Variants in SMYD3 observed in about 807,000 individuals in gnomAD.
SMYD3 encodes histone-lysine N-methyltransferase SMYD3.
In SMYD3, 36 loss-of-function variants were observed where a neutral mutation model predicts 57.7. The observed-to-expected ratio is 0.62, with a 90% CI of 0.48 to 0.82. The LOEUF is 0.82. Among genes scored for constraint, SMYD3 ranks in the 40% least tolerant of loss-of-function variants. SMYD3 has a pLI of 0.00. For synonymous variants in SMYD3, 211 were observed against 195.0 expected, an observed-to-expected ratio of 1.08 and a Z score of -0.68; for missense variants, 515 against 538.8, an observed-to-expected ratio of 0.96 and a Z score of 0.44.
rs565488397 is a variant in SMYD3, at chr1:246,143,775, C to T, written c.531+183426G>A. Reference sequence around the variant, plus strand: ...GCTTATTCATGCTTTGGGATCCCAGCCTCTATGCTTCTGGATCCTCCCATC... The same window carrying T: ...GCTTATTCATGCTTTGGGATCCCAGTCTCTATGCTTCTGGATCCTCCCATC... On this transcript the variant is annotated intron_variant, in intron 5 of 11. Coordinates refer to ENST00000490107, the MANE Select transcript of SMYD3 (RefSeq NM_001167740.2). 6.0e-3 allele frequency among the ~76,000 whole-genome samples: 914 copies of T among 152,304 alleles called. 7 individuals are homozygous for T. The highest frequency in any genetic ancestry group is 8.2e-3 in the Non-Finnish European group (559 of 68,026).
chr1:245,866,223 G>A (rs1036038395), intron 8 of SMYD3, among the ~76,000 whole-genome samples: 1 of 152,202 alleles, frequency 6.6e-6, no homozygotes, highest in African/African-American at 2.4e-5. Context: ...CTCTCCTTCT[G>A]AGGCTGGGGC....
At chr1:245,852,575 T>TA (rs1436066979) in intron 10 of SMYD3, among the ~76,000 whole-genome samples, 1 of 152,150 alleles carries the variant, frequency 6.6e-6, no homozygotes, top group Non-Finnish European at 1.5e-5. Flanking sequence ...TCCATAAAAG[T>TA]AAAACATAAG....
intron 1 of SMYD3, among the ~76,000 whole-genome samples, chr1:246,501,600 G>C (rs937792944): frequency 6.6e-6 from 1 of 151,944 alleles, no homozygotes; most frequent in African/African-American, 2.4e-5. Context: ...CCTTCCTTAC[G>C]ACCTCATTCC....
chr1:246,427,393 G>C (rs1336218387), intron 1 of SMYD3, among the ~76,000 whole-genome samples: 1 of 150,820 alleles, frequency 6.6e-6, no homozygotes, highest in East Asian at 1.9e-4. Context: ...AGTGGCGGGC[G>C]CCTGTAGTCC....
rs534933281 is a variant in SMYD3, at chr1:246,404,095, T to C, written c.165-49001A>G. On this transcript the variant is annotated intron_variant, in intron 1 of 11. Transcript: ENST00000490107. The stretch of plus-strand genomic sequence containing the variant: ...AAGCCAGCCAGCATATCACCCTTCA[T>C]TGACCTATCTTAAATTCGAATCACA... Among the ~76,000 whole-genome samples the C allele has an allele frequency of 5.3e-5, 8 of 152,344 alleles. No individual in the cohort carries two copies. The East Asian group carries it at 9.6e-4, about 18-fold the overall frequency.
At chr1:246,132,540 G>C (rs2061603826) in intron 5 of SMYD3, among the ~76,000 whole-genome samples, 1 of 152,016 alleles carries the variant, frequency 6.6e-6, no homozygotes. Context: ...ACTCTCAGGA[G>C]AAACATAAAG....
chr1:245,997,870 C>T (rs2148136974), intron 5 of SMYD3, among the ~76,000 whole-genome samples: 1 of 152,256 alleles, frequency 6.6e-6, no homozygotes, highest in Admixed American at 6.5e-5. Context: ...GTCTTCAAGC[C>T]CTACACTTCC....
chr1:246,043,129 C>T (rs1558177135), intron 5 of SMYD3, among the ~76,000 whole-genome samples: 1 of 152,204 alleles, frequency 6.6e-6, no homozygotes, highest in African/African-American at 2.4e-5. Flanking sequence ...CACATGTACA[C>T]ATATACACAG....
chr1:245,812,896 T>G (rs2048559159), intron 10 of SMYD3, among the ~76,000 whole-genome samples: 1 of 150,168 alleles, frequency 6.7e-6, no homozygotes, highest in Admixed American at 6.7e-5. Flanking sequence ...TGAGTAAATC[T>G]CATCTAGTGG....
At chr1:245,791,967 T>TGTGTGG (rs1009025085) in intron 10 of SMYD3, among the ~76,000 whole-genome samples, 2 of 151,806 alleles carry the variant, frequency 1.3e-5, no homozygotes, top group African/African-American at 4.8e-5. Flanking sequence ...TGTGTGTGTG[T>TGTGTGG]GTGTGTGTGT....
intron 5 of SMYD3, chr1:246,035,603 T>C (rs1273094090): frequency 1.3e-5 from 2 of 152,252 alleles, no homozygotes; most frequent in Admixed American, 6.5e-5. Context: ...CGGATGCCTG[T>C]ATGCTACACA....
chr1:246,471,723 C>T (rs1428603339), intron 1 of SMYD3, among the ~76,000 whole-genome samples: 1 of 152,198 alleles, frequency 6.6e-6, no homozygotes, highest in Non-Finnish European at 1.5e-5. Context: ...CAGGGATCCC[C>T]TGAGTAAGAT....
At chr1:246,118,812 CTTT>C (rs10623626) in intron 5 of SMYD3, among the ~76,000 whole-genome samples, 17,893 of 139,500 alleles carry the variant, frequency 0.13, 1,626 homozygotes, top group African/African-American at 0.26. Flanking sequence ...GAGGCACGTG[CTTT>C]TTTTTTTTTT....
intron 5 of SMYD3, among the ~76,000 whole-genome samples, chr1:246,157,238 G>A (rs898708341): frequency 6.6e-6 from 1 of 152,128 alleles, no homozygotes; most frequent in Non-Finnish European, 1.5e-5. Flanking sequence ...TTGCCAGCAA[G>A]TGTCCTTCAG....
chr1:246,366,488 A>T (rs1184749342), intron 1 of SMYD3, among the ~76,000 whole-genome samples: 1 of 152,088 alleles, frequency 6.6e-6, no homozygotes, highest in Non-Finnish European at 1.5e-5. Context: ...CCTGCAGAGA[A>T]AATACTTGGG....
At chr1:246,286,351 C>G (rs1016886970) in intron 5 of SMYD3, among the ~76,000 whole-genome samples, 1 of 151,594 alleles carries the variant, frequency 6.6e-6, no homozygotes, top group Non-Finnish European at 1.5e-5. Flanking sequence ...TTTTTTTAAT[C>G]TGACAAATCA....
intron 5 of SMYD3, among the ~76,000 whole-genome samples, chr1:245,936,054 T>C (rs957437036): frequency 2.0e-5 from 3 of 152,166 alleles, no homozygotes; most frequent in African/African-American, 7.2e-5. Context: ...AAAAATGACA[T>C]GAGGTAAGGG....
chr1:246,212,776 G>A (rs2063110268), intron 5 of SMYD3, among the ~76,000 whole-genome samples: 1 of 152,040 alleles, frequency 6.6e-6, no homozygotes, highest in African/African-American at 2.4e-5. Context: ...AATAAATTTG[G>A]TTAATATTTT....
intron 5 of SMYD3, among the ~76,000 whole-genome samples, chr1:246,100,474 T>C (rs2060989603): frequency 6.6e-6 from 1 of 152,156 alleles, no homozygotes; most frequent in African/African-American, 2.4e-5. Context: ...TGTCAACTCA[T>C]ACCAAAGCTC....
Sources: gnomAD v4.1 joint callset for allele counts (sites outside exome capture counted in the v4.1 genomes callset) on GRCh38, gnomAD v4.1.1 for gene constraint, MANE v1.5 for transcripts, NCBI Gene and HGNC (gene_info 2026-07-23, HGNC 2026-07-21) for gene names.